The following NRG3 variants were observed in gnomAD, a reference collection of about 807,000 sequenced individuals.
NRG3 encodes the protein pro-neuregulin-3, membrane-bound isoform.
Under a neutral mutation model 66.9 loss-of-function variants are expected in NRG3, and 31 were observed. The observed-to-expected ratio is 0.46, with a 90% CI of 0.35 to 0.63. The LOEUF is 0.63. Ranked by LOEUF, NRG3 falls within the 20% of genes least tolerant of loss-of-function variation. The pLI, the probability that NRG3 is intolerant of heterozygous loss-of-function variation, is 0.00. For synonymous variants in NRG3, 393 were observed against 359.4 expected (o/e 1.09, Z -1.06); for missense variants, 910 against 878.9 (o/e 1.04, Z -0.45).
At chr10:82,540,759 T>G (rs912493335) in intron 2 of NRG3, among the ~76,000 whole-genome samples, 1 of 152,176 alleles carries the variant, frequency 6.6e-6, no homozygotes, top group Middle Eastern at 3.4e-3. Context: ...CATATGGAAA[T>G]AGAAAACATT....
At chr10:82,604,626 G>A (rs1035535452) in intron 2 of NRG3, among the ~76,000 whole-genome samples, 1 of 152,074 alleles carries the variant, frequency 6.6e-6, no homozygotes, top group Non-Finnish European at 1.5e-5. Context: ...TCAAGACAGT[G>A]TGGTACTGGA....
intron 1 of NRG3, among the ~76,000 whole-genome samples, chr10:82,002,764 G>A (rs1418470347): frequency 6.6e-6 from 1 of 152,130 alleles, no homozygotes; most frequent in African/African-American, 2.4e-5. Context: ...ACTGTGCATA[G>A]ATGCAAGAAA....
intron 2 of NRG3, among the ~76,000 whole-genome samples, chr10:82,391,993 C>CAAAAAAA (rs775895969): frequency 3.9e-4 from 15 of 38,846 alleles, no homozygotes; most frequent in Non-Finnish European, 5.4e-4. Context: ...CGAGCACATG[C>CAAAAAAA]AAAAAAAAAA....
chr10:82,646,047 A>C (rs1337640014), intron 2 of NRG3, among the ~76,000 whole-genome samples: 1 of 152,164 alleles, frequency 6.6e-6, no homozygotes, highest in East Asian at 1.9e-4. Flanking sequence ...TTCATATGAC[A>C]CTTGACATAG....
At chr10:82,737,036 A>T (rs1317637932) in intron 2 of NRG3, among the ~76,000 whole-genome samples, 1 of 143,516 alleles carries the variant, frequency 7.0e-6, no homozygotes, top group Non-Finnish European at 1.5e-5. Flanking sequence ...TTATTTTTTT[A>T]TGACAAATAT....
At chr10:81,890,129 C>T (rs1842904650) in intron 1 of NRG3, among the ~76,000 whole-genome samples, 2 of 152,152 alleles carry the variant, frequency 1.3e-5, no homozygotes, top group Admixed American at 1.3e-4. Flanking sequence ...AGACCACGTG[C>T]TTGTGAGCCA....
intron 1 of NRG3, among the ~76,000 whole-genome samples, chr10:82,330,889 G>A (rs972729745): frequency 5.9e-5 from 9 of 152,156 alleles, no homozygotes; most frequent in African/African-American, 2.2e-4. Flanking sequence ...TCCATTTAAT[G>A]TCTCAGTTCT....
At chr10:82,646,986 T>A (rs1235768115) in intron 2 of NRG3, among the ~76,000 whole-genome samples, 7 of 151,990 alleles carry the variant, frequency 4.6e-5, no homozygotes, top group Admixed American at 3.9e-4. Flanking sequence ...CACCTTTATT[T>A]TTTTATGTTC....
intron 4 of NRG3, among the ~76,000 whole-genome samples, chr10:82,943,641 A>G (rs1370960418): frequency 6.6e-6 from 1 of 152,180 alleles, no homozygotes; most frequent in African/African-American, 2.4e-5. Flanking sequence ...AGAAGATGGG[A>G]TGGTGCCTGC....
intron 2 of NRG3, among the ~76,000 whole-genome samples, chr10:82,722,207 T>TA (rs2057358862): frequency 6.6e-6 from 1 of 152,220 alleles, no homozygotes; most frequent in African/African-American, 2.4e-5. Context: ...ATGTCTTAGG[T>TA]AAGTCCCTCA....
intron 1 of NRG3, among the ~76,000 whole-genome samples, chr10:82,355,201 G>A (rs554938572): frequency 3.3e-5 from 5 of 152,216 alleles, no homozygotes; most frequent in South Asian, 2.1e-4. Context: ...ATACACCAAG[G>A]TTGTTTAGGA....
intron 1 of NRG3, among the ~76,000 whole-genome samples, chr10:81,943,608 C>T (rs779650159): frequency 2.0e-5 from 3 of 152,172 alleles, no homozygotes; most frequent in Non-Finnish European, 4.4e-5. Context: ...TAAAGATACT[C>T]TGCCTAGATT....
intron 1 of NRG3, among the ~76,000 whole-genome samples, chr10:82,201,211 A>G (rs1031140911): frequency 6.6e-5 from 10 of 151,288 alleles, no homozygotes; most frequent in African/African-American, 2.2e-4. Flanking sequence ...AAAAAAAAAA[A>G]AAAAAAGACA....
chr10:82,037,454 A>C (rs941695545), intron 1 of NRG3, among the ~76,000 whole-genome samples: 2 of 152,168 alleles, frequency 1.3e-5, no homozygotes, highest in Admixed American at 6.5e-5. Context: ...CATTCCACCC[A>C]AAAAATTAAG....
intron 4 of NRG3, among the ~76,000 whole-genome samples, chr10:82,918,297 C>T (rs904352381): frequency 9.2e-5 from 14 of 152,194 alleles, no homozygotes; most frequent in African/African-American, 2.9e-4. Context: ...AGACTGCATT[C>T]AGATAGACCT....
At chr10:82,219,858 G>A (rs1418326006) in intron 1 of NRG3, among the ~76,000 whole-genome samples, 2 of 151,826 alleles carry the variant, frequency 1.3e-5, no homozygotes, top group African/African-American at 4.8e-5. Flanking sequence ...CCTCAATGCT[G>A]CAAATCCATT....
chr10:82,213,872 AAGTAGCACCAG>A (rs1206570015), intron 1 of NRG3, among the ~76,000 whole-genome samples: 4 of 152,174 alleles, frequency 2.6e-5, no homozygotes, highest in Admixed American at 1.3e-4. Flanking sequence ...ATCTGGAGGT[AAGTAGCACCAG>A]AGTCGGCTTA....
chr10:82,223,852 C>T lies in NRG3; in HGVS notation c.824-134887C>T, dbSNP rs568807226. 8.3e-4 allele frequency among the ~76,000 whole-genome samples: 127 copies of T among 152,286 alleles called. 1 individual carries two copies. Among genetic ancestry groups the T allele is most frequent in the African/African-American group, 3.0e-3 (123 of 41,548 alleles). ...CAAGGAAAAGGAACCAGAATTCTGGCGCTTCCAGAAAGCAGCACCTTAGGG... is the reference window on the plus strand; with the variant it reads ...CAAGGAAAAGGAACCAGAATTCTGGTGCTTCCAGAAAGCAGCACCTTAGGG... On this transcript the variant is annotated intron_variant, in intron 1 of 8. Transcript: ENST00000372141.
At chr10:82,611,200 A>G (rs905770796) in intron 2 of NRG3, among the ~76,000 whole-genome samples, 13 of 152,172 alleles carry the variant, frequency 8.5e-5, no homozygotes, top group African/African-American at 2.6e-4. Flanking sequence ...CTTAGATTGC[A>G]ATGAGTTTTC....
Sources: gnomAD v4.1 joint callset for allele counts (sites outside exome capture counted in the v4.1 genomes callset) on GRCh38, gnomAD v4.1.1 for gene constraint, MANE v1.5 for transcripts, NCBI Gene and HGNC (gene_info 2026-07-23, HGNC 2026-07-21) for gene names.